PCLO: variants seen among roughly 807,000 people sequenced by gnomAD.
The protein encoded by PCLO is protein piccolo.
Under a neutral mutation model 427.5 loss-of-function variants are expected in PCLO, and 82 were observed. The ratio of observed to expected loss-of-function variants is 0.19; its 90% CI spans 0.16 to 0.23. The LOEUF is 0.23. Ranked by LOEUF, PCLO falls within the 10% of genes least tolerant of loss-of-function variation. The pLI is 1.00. For missense variants in PCLO, 6,239 were observed against 6,115.9 expected (o/e 1.02, Z -0.67); for synonymous variants, 2,357 against 2,155.4 (o/e 1.09, Z -2.59).
At chr7:83,100,463 T>C (rs1004454058) in intron 3 of PCLO, among the ~76,000 whole-genome samples, 2 of 152,320 alleles carry the variant, frequency 1.3e-5, no homozygotes, top group East Asian at 3.9e-4. Context: ...CATCATGGAA[T>C]ACTATGCAGA....
rs554996868 is a variant in PCLO at position 83,082,864 on chromosome 7, T to A, written c.3300+51386A>T. 8.8e-4 allele frequency among the ~76,000 whole-genome samples: 133 copies of A among 151,888 alleles called. 2 individuals are homozygous for A. Among genetic ancestry groups the A allele is most frequent in the African/African-American group, 3.1e-3 (128 of 41,544 alleles). The stretch of plus-strand genomic sequence containing the variant: ...TTTATAAAGAATTATGTGGAGAGGC[T>A]GGTTCTTTGAGCTATAAAGTATATA... On this transcript the variant is annotated intron_variant, in intron 3 of 24. Coordinates refer to ENST00000333891, the MANE Select transcript of PCLO (RefSeq NM_033026.6).
intron 4 of PCLO, among the ~76,000 whole-genome samples, chr7:82,961,667 T>C (rs1034513179): frequency 1.3e-5 from 2 of 152,220 alleles, no homozygotes; most frequent in African/African-American, 4.8e-5. Context: ...AATACTATTA[T>C]CTTACTTGTC....
At chr7:82,761,166 A>G (rs143051243) in intron 23 of PCLO, among the ~76,000 whole-genome samples, 193 bp downstream of exon 23, 1 of 151,936 alleles carries the variant, frequency 6.6e-6, no homozygotes, top group East Asian at 1.9e-4. Context: ...GCTAATGAAT[A>G]TAACACTATA....
At chr7:83,025,044 C>T (rs140268088) in intron 3 of PCLO, among the ~76,000 whole-genome samples, 25,254 of 152,070 alleles carry the variant, frequency 0.17, 3,069 homozygotes, top group East Asian at 0.59. Flanking sequence ...AAAAGTAGAG[C>T]GCCTCTCCTC....
intron 22 of PCLO, among the ~76,000 whole-genome samples, chr7:82,795,407 TA>T (rs1791203782): frequency 6.6e-6 from 1 of 152,184 alleles, no homozygotes; most frequent in Admixed American, 6.5e-5. Flanking sequence ...ATAGCACCTG[TA>T]ATGTAAATGG....
chr7:82,915,194 C>A lies in PCLO; in HGVS notation c.12792G>T (p.Leu4264=), dbSNP rs61995908. The A allele has an allele frequency of 6.2e-7, 1 of 1,609,652 alleles. No homozygotes were observed. The highest frequency in any genetic ancestry group is 8.5e-7 in the Non-Finnish European group (1 of 1,177,678). ...KFMGSSLGTG[L]GTLGNTIRSA... ...AGCGTATGGTATTTCCTAATGTGCCCAGTCCTGTGCCAAGAGAAGATCCCA... is the reference window on the plus strand; with the variant it reads ...AGCGTATGGTATTTCCTAATGTGCCAAGTCCTGTGCCAAGAGAAGATCCCA... The change falls in exon 7 of 25, where the codon CTG becomes CTT. Residue 4264 remains leucine (L), a synonymous_variant. Transcript: ENST00000333891.
rs758856830 is a variant in PCLO, at chr7:82,950,333, C to T, written c.10255G>A (p.Val3419Ile). Residue 3419 changes from valine to isoleucine, a missense_variant, in exon 6 of 25, where the codon GTC (valine) becomes ATC (isoleucine). This residue lies in a region of PCLO where 4,677 missense variants were observed against 4,468.4 expected (regional missense o/e 1.05). Coordinates refer to ENST00000333891, the MANE Select transcript of PCLO (RefSeq NM_033026.6). Reference sequence around the variant, plus strand: ...CCCATGTCATCATACTGTCCTCGGACTTTAGCTCCAGAACTTCTCTTTTTG... The same window carrying T: ...CCCATGTCATCATACTGTCCTCGGATTTTAGCTCCAGAACTTCTCTTTTTG... ...QPKKRSSGAK[V>I]RGQYDDMGEN... The T allele has an allele frequency of 7.4e-6, 12 of 1,613,612 alleles. No individual in the cohort carries two copies. The highest frequency in any genetic ancestry group is 9.3e-6 in the Non-Finnish European group (11 of 1,179,848).
rs542870451 is a variant in PCLO at position 82,840,034 on chromosome 7, A to G, written c.14097+1425T>C. On this transcript the variant is annotated intron_variant, in intron 14 of 24. Coordinates refer to ENST00000333891, the MANE Select transcript of PCLO (RefSeq NM_033026.6). The stretch of plus-strand genomic sequence containing the variant: ...TAAGGGAAAGCAAAATAAAATTAGA[A>G]AAAACAACAACAATAAAAACAAAAA... Among the ~76,000 whole-genome samples the G allele has an allele frequency of 1.1e-4, 16 of 152,188 alleles. No homozygotes were observed. The South Asian group carries it at 3.1e-3, about 30-fold the overall frequency.
intron 3 of PCLO, among the ~76,000 whole-genome samples, chr7:83,024,347 C>G (rs572294357): frequency 1.3e-5 from 2 of 152,182 alleles, no homozygotes; most frequent in Non-Finnish European, 2.9e-5. Context: ...GGGTGATGGA[C>G]GGCACCTGGA....
Position 82,955,791 on chromosome 7 carries a change from T to G in PCLO, c.5162A>C (p.His1721Pro). 2 of 1,613,984 alleles carry G rather than the reference T, an allele frequency of 1.2e-6. No individual in the cohort carries two copies. The highest frequency in any genetic ancestry group is 1.7e-6 in the Non-Finnish European group (2 of 1,179,872). The change falls in exon 5 of 25, where the codon CAT (histidine) becomes CCT (proline). Residue 1721 changes from histidine (H) to proline (P), a missense_variant. Coordinates refer to ENST00000333891, the MANE Select transcript of PCLO (RefSeq NM_033026.6). ...TGTACCAGGAGTGAAGCTGGAAGCA[T>G]GCAGACTCGAAGATCCCTCTCCCCT... ...RSRGEGSSSL[H>P]ASSFTPGTSP... is the part of the protein sequence containing the mutation.
intron 22 of PCLO, among the ~76,000 whole-genome samples, chr7:82,774,816 G>A (rs1790715652): frequency 6.6e-6 from 1 of 152,020 alleles, no homozygotes; most frequent in Non-Finnish European, 1.5e-5. Flanking sequence ...CAGGGGTTTG[G>A]AAAAATACAT....
intron 3 of PCLO, among the ~76,000 whole-genome samples, chr7:83,075,682 TA>T (rs1204011042): frequency 5.9e-5 from 9 of 152,114 alleles, no homozygotes; most frequent in African/African-American, 2.2e-4. Flanking sequence ...GTTCTCTGTG[TA>T]ATGACAAGTT....
intron 3 of PCLO, among the ~76,000 whole-genome samples, chr7:83,052,209 G>A (rs1001180117): frequency 2.0e-5 from 3 of 151,920 alleles, no homozygotes; most frequent in Non-Finnish European, 2.9e-5. Context: ...TGTAACAAAT[G>A]TACCACACTA....
intron 6 of PCLO, among the ~76,000 whole-genome samples, chr7:82,919,688 G>A (rs1794551599): frequency 6.6e-6 from 1 of 151,708 alleles, no homozygotes; most frequent in African/African-American, 2.4e-5. Flanking sequence ...AGGAGGATGT[G>A]GGAAGAATAC....
chr7:83,090,323 T>G (rs1478661879), intron 3 of PCLO, among the ~76,000 whole-genome samples: 2 of 152,126 alleles, frequency 1.3e-5, no homozygotes, highest in African/African-American at 4.8e-5. Context: ...ATACAGCACA[T>G]ATAGCCAGAA....
At chr7:82,868,092 A>C (rs1456363112) in intron 10 of PCLO, 1 of 455,986 alleles carries the variant, frequency 2.2e-6, no homozygotes, top group African/African-American at 2.0e-5. Context: ...TCTCATGCTA[A>C]TGACCAATCC....
chr7:82,810,584 A>C (rs1203112669), intron 20 of PCLO, among the ~76,000 whole-genome samples: 1 of 151,718 alleles, frequency 6.6e-6, no homozygotes, highest in Non-Finnish European at 1.5e-5. Flanking sequence ...CAATTAATTG[A>C]GGGGGCATTT....
intron 3 of PCLO, among the ~76,000 whole-genome samples, chr7:82,994,478 C>A (rs932246114): frequency 6.6e-6 from 1 of 151,882 alleles, no homozygotes; most frequent in South Asian, 2.1e-4. Context: ...GGCAAAGGGC[C>A]TTGTAAGCTA....
Position 83,038,027 on chromosome 7 carries a change from A to ATATATATT in PCLO, c.3301-71541_3301-71540insAATATATA, listed in dbSNP as rs1372279746. ...TATATATATATATATATATATATAT[A>ATATATATT]TATTTATATATTTATATATATATCT... On this transcript the variant is annotated intron_variant, in intron 3 of 24. Transcript: ENST00000333891. Among the ~76,000 whole-genome samples the ATATATATT allele has an allele frequency of 2.0e-4, 9 of 44,166 alleles. 1 individual carries two copies. Among genetic ancestry groups the ATATATATT allele is most frequent in the South Asian group, 1.1e-3 (2 of 1,836 alleles). 29.0% of individuals were successfully genotyped at this position (44,166 alleles called of 152,430 possible). A position where few individuals can be genotyped will look rare whatever the true frequency, so the allele number is the denominator to read the frequency against.
Sources: allele counts gnomAD v4.1 joint callset (sites outside exome capture counted in the v4.1 genomes callset), GRCh38; gene constraint gnomAD v4.1.1; regional missense constraint gnomAD v4.1.1; transcripts MANE v1.5; gene names NCBI Gene and HGNC (gene_info 2026-07-23, HGNC 2026-07-21).